Variants in FNIP2 observed in about 807,000 individuals in gnomAD.
FNIP2 encodes folliculin-interacting protein 2.
In FNIP2, 32 loss-of-function variants were observed where a neutral mutation model predicts 108.7. The ratio of observed to expected loss-of-function variants is 0.29; its 90% confidence interval spans 0.22 to 0.40. The LOEUF is 0.40. Among genes scored for constraint, FNIP2 ranks in the 10% least tolerant of loss-of-function variants. The probability of loss-of-function intolerance (pLI) is 1.00; values close to 1 mark genes in which losing one functional copy is unlikely to be tolerated. For missense variants in FNIP2, 1,202 were observed against 1,381.6 expected (o/e 0.87, Z 2.06); for synonymous variants, 480 against 496.7 (o/e 0.97, Z 0.45).
At chr4:158,827,579 G>A (rs1253502316) in intron 2 of FNIP2, among the ~76,000 whole-genome samples, 2 of 152,164 alleles carry the variant, frequency 1.3e-5, no homozygotes, top group Non-Finnish European at 1.5e-5. Flanking sequence ...AGACTGTTCA[G>A]CATTGTACTC....
At chr4:158,872,015 T>C (rs78645277) in intron 14 of FNIP2, 2 of 985,376 alleles carry the variant, frequency 2.0e-6, no homozygotes, top group Non-Finnish European at 2.4e-6. Context: ...TTTTTTTTTT[T>C]CTGCTCTGCT....
chr4:158,882,323 G>C (rs1394742692), intron 14 of FNIP2, among the ~76,000 whole-genome samples: 1 of 151,836 alleles, frequency 6.6e-6, no homozygotes, highest in Non-Finnish European at 1.5e-5. Context: ...TGCCCCATCT[G>C]GGAGGGAGGT....
chr4:158,779,441 A>G (rs1420658564), intron 1 of FNIP2, among the ~76,000 whole-genome samples: 2 of 152,188 alleles, frequency 1.3e-5, no homozygotes, highest in Non-Finnish European at 2.9e-5. Flanking sequence ...GTTGGTATCT[A>G]CAAGATGAAT....
chr4:158,886,801 C>CTGA (rs1184552475), intron 14 of FNIP2, among the ~76,000 whole-genome samples: 1 of 152,108 alleles, frequency 6.6e-6, no homozygotes, highest in Non-Finnish European at 1.5e-5. Flanking sequence ...ATTTGGAACT[C>CTGA]TGAAATGAGG....
chr4:158,832,497 T>G (rs958947250), intron 5 of FNIP2, among the ~76,000 whole-genome samples: 1 of 152,232 alleles, frequency 6.6e-6, no homozygotes, highest in Non-Finnish European at 1.5e-5. Context: ...ATTCATGTAT[T>G]TTGAACTTTC....
chr4:158,867,144 C>T (rs898621891), intron 12 of FNIP2, among the ~76,000 whole-genome samples: 6 of 152,160 alleles, frequency 3.9e-5, no homozygotes, highest in African/African-American at 1.4e-4. Context: ...TTTTAATCAA[C>T]TTGTCAGGAT....
rs1193885046 is a variant in FNIP2, at chr4:158,874,787, GCT to G, written c.2949+4319_2949+4320del. On this transcript the variant is annotated intron_variant, in intron 14 of 16. Transcript: ENST00000264433. ...GAAAATTACTGTCAGAGATAAGAAA[GCT>G]ATATATGGGCCAGGCACGGTGGCTC... Among the ~76,000 whole-genome samples, 4 of 151,972 alleles carry G rather than the reference GCT, an allele frequency of 2.6e-5. No individual in the cohort carries two copies. The East Asian group carries it at 7.7e-4, about 29-fold the overall frequency.
chr4:158,857,825 G>A (rs1020908883), intron 8 of FNIP2, among the ~76,000 whole-genome samples: 2 of 151,256 alleles, frequency 1.3e-5, no homozygotes, highest in Non-Finnish European at 2.9e-5. Flanking sequence ...GCATGTGCCT[G>A]TAGTCCCAGC....
Position 158,805,898 on chromosome 4 carries a change from T to G in FNIP2, c.108-20018T>G, listed in dbSNP as rs143552952. On this transcript the variant is annotated intron_variant, in intron 1 of 16. Coordinates refer to ENST00000264433, the MANE Select transcript of FNIP2 (RefSeq NM_020840.3). ...TGTTAAATGTCTTTTCTTTGCTAAC[T>G]GGAGTATAAGCTTAAGAACAAAAGT... Among the ~76,000 whole-genome samples, 945 of 152,362 alleles carry G rather than the reference T, an allele frequency of 6.2e-3. 5 individuals are homozygous for G. The highest frequency in any genetic ancestry group is 0.021 in the African/African-American group (885 of 41,588).
At chr4:158,793,584 A>G (rs1560757742) in intron 1 of FNIP2, among the ~76,000 whole-genome samples, 1 of 152,202 alleles carries the variant, frequency 6.6e-6, no homozygotes, top group Non-Finnish European at 1.5e-5. Flanking sequence ...TTGTTATATC[A>G]TAATTCTTCA....
intron 1 of FNIP2, among the ~76,000 whole-genome samples, chr4:158,795,082 G>GT (rs1454219769): frequency 2.6e-5 from 4 of 152,168 alleles, no homozygotes; most frequent in Non-Finnish European, 4.4e-5. Context: ...TTAAGAACTG[G>GT]TATCAGGGTT....
At chr4:158,787,803 G>A (rs1270559722) in intron 1 of FNIP2, among the ~76,000 whole-genome samples, 1 of 152,174 alleles carries the variant, frequency 6.6e-6, no homozygotes, top group Non-Finnish European at 1.5e-5. Context: ...ATCAAGTCCA[G>A]CCTCTTTCGT....
chr4:158,817,869 G>T (rs532825595), intron 1 of FNIP2, among the ~76,000 whole-genome samples: 112 of 152,194 alleles, frequency 7.4e-4, no homozygotes, highest in Non-Finnish European at 1.3e-3. Flanking sequence ...TATAGAGGAG[G>T]AGACACTGGA....
Position 158,861,504 on chromosome 4 carries a change from C to T in FNIP2, c.1295+16C>T, listed in dbSNP as rs1376212364. 1 of 1,613,758 alleles carries T rather than the reference C, an allele frequency of 6.2e-7. No individual in the cohort carries two copies. Among genetic ancestry groups the T allele is most frequent in the East Asian group, 2.2e-5 (1 of 44,902 alleles). ...ATAAAAACCAGTAAGCTTCAACTCT[C>T]TGGAGACTTGTATGCAAATCTCATG... On this transcript the variant is annotated intron_variant, in intron 11 of 16. Coordinates refer to ENST00000264433, the MANE Select transcript of FNIP2 (RefSeq NM_020840.3).
At chr4:158,796,092 G>T (rs1441231995) in intron 1 of FNIP2, 2 of 152,174 alleles carry the variant, frequency 1.3e-5, no homozygotes, top group African/African-American at 4.8e-5. Context: ...GAAAGGTAGA[G>T]AATCCTTCAG....
chr4:158,790,300 A>G (rs1272067205), intron 1 of FNIP2, among the ~76,000 whole-genome samples: 1 of 151,566 alleles, frequency 6.6e-6, no homozygotes, highest in Non-Finnish European at 1.5e-5. Context: ...AATGGATCCT[A>G]TACTAAACTA....
chr4:158,895,409 T>C (rs1276047847), intron 15 of FNIP2, among the ~76,000 whole-genome samples: 1 of 152,216 alleles, frequency 6.6e-6, no homozygotes, highest in African/African-American at 2.4e-5. Flanking sequence ...AAAAATTATA[T>C]CAAGAAGTTC....
At chr4:158,862,761 C>A (rs1389802934) in intron 12 of FNIP2, among the ~76,000 whole-genome samples, 1 of 151,984 alleles carries the variant, frequency 6.6e-6, no homozygotes, top group Non-Finnish European at 1.5e-5. Flanking sequence ...GAAGTTTTTC[C>A]TGGGGAAGAC....
chr4:158,847,536 G>A (rs1193818592), intron 7 of FNIP2, among the ~76,000 whole-genome samples: 1 of 152,150 alleles, frequency 6.6e-6, no homozygotes, highest in Non-Finnish European at 1.5e-5. Context: ...CCCAGTACTG[G>A]CAGGATTCAT....
Sources: allele counts gnomAD v4.1 joint callset (sites outside exome capture counted in the v4.1 genomes callset), GRCh38; gene constraint gnomAD v4.1.1; transcripts MANE v1.5; gene names NCBI Gene and HGNC (gene_info 2026-07-23, HGNC 2026-07-21).